HERC3: variants seen among roughly 807,000 people sequenced by gnomAD.
HERC3 encodes probable E3 ubiquitin-protein ligase HERC3.
A neutral mutation model predicts 129.9 loss-of-function variants in HERC3; 58 were observed. The ratio of observed to expected loss-of-function variants is 0.45; its 90% CI spans 0.36 to 0.56. The LOEUF is 0.56. Among genes scored for constraint, HERC3 ranks in the 20% least tolerant of loss-of-function variants. HERC3 has a pLI of 0.00. For missense variants in HERC3, 835 were observed against 1,244.2 expected (o/e 0.67, Z 4.95); for synonymous variants, 430 against 451.0 (o/e 0.95, Z 0.59).
chr4:88,684,900 G>C (rs1386581526), intron 21 of HERC3: 1 of 152,382 alleles, frequency 6.6e-6, no homozygotes, highest in Non-Finnish European at 1.5e-5. Flanking sequence ...CAGGGGCCAT[G>C]CTAATCTTCT....
At chr4:88,683,494 A>G (rs1733040466) in intron 21 of HERC3, among the ~76,000 whole-genome samples, 1 of 152,198 alleles carries the variant, frequency 6.6e-6, no homozygotes, top group African/African-American at 2.4e-5. Flanking sequence ...AGCAACAGAA[A>G]TGTGTGTCCC....
the HERC3 span, among the ~76,000 whole-genome samples, chr4:88,578,683 AGGAGG>A: frequency 5.9e-5 from 9 of 152,124 alleles, no homozygotes; most frequent in African/African-American, 2.2e-4. Context: ...AAAAAGGAGG[AGGAGG>A]TAACACTACA....
intron 16 of HERC3, among the ~76,000 whole-genome samples, chr4:88,670,987 C>G (rs1407777608): frequency 6.6e-6 from 1 of 151,938 alleles, no homozygotes; most frequent in Non-Finnish European, 1.5e-5. Context: ...ACCCCGTAGG[C>G]CCCTTCTGAT....
Position 88,660,396 on chromosome 4 carries a change from G to A in HERC3, c.1146+1905G>A, listed in dbSNP as rs557891614. ...TTTTTTGTATTTTTAGTAGAGACCA[G>A]TTTCACCATGTTGGCCAGGCTGGTT... On this transcript the variant is annotated intron_variant, in intron 10 of 25. Transcript: ENST00000402738. Among the ~76,000 whole-genome samples, 6 of 152,112 alleles carry A rather than the reference G, an allele frequency of 3.9e-5. No individual in the cohort carries two copies. The South Asian group carries it at 1.2e-3, about 32-fold the overall frequency.
At chr4:88,560,570 G>T in the HERC3 span, among the ~76,000 whole-genome samples, 1 of 152,020 alleles carries the variant, frequency 6.6e-6, no homozygotes, top group African/African-American at 2.4e-5. Flanking sequence ...CCTTTGCTGT[G>T]CAGAAACTTT....
chr4:88,688,492 A>G (rs1054396476), intron 23 of HERC3, among the ~76,000 whole-genome samples: 6 of 152,120 alleles, frequency 3.9e-5, no homozygotes, highest in Non-Finnish European at 8.8e-5. Context: ...TGGTTATATA[A>G]CCAAATAGGA....
chr4:88,706,620 T>A, intron 25 of HERC3, 132 bp from the exon 26 acceptor site: 1 of 681,054 alleles, frequency 1.5e-6, no homozygotes, highest in Non-Finnish European at 2.6e-6. Context: ...GGATGCATAT[T>A]GGCACATAAA....
the HERC3 span, among the ~76,000 whole-genome samples, chr4:88,526,444 CATTT>C: frequency 6.6e-6 from 1 of 152,180 alleles, no homozygotes; most frequent in Admixed American, 6.5e-5. Context: ...TTTGAACTAA[CATTT>C]ATCTCTGCTT....
At chr4:88,538,823 G>T in the HERC3 span, among the ~76,000 whole-genome samples, 1 of 152,092 alleles carries the variant, frequency 6.6e-6, no homozygotes, top group Non-Finnish European at 1.5e-5. Flanking sequence ...GATTACAGGC[G>T]TGAGCCACCA....
At chr4:88,693,617 TTAA>T (rs1560773503) in intron 23 of HERC3, 4 of 962,744 alleles carry the variant, frequency 4.2e-6, no homozygotes, top group Non-Finnish European at 4.9e-6. Flanking sequence ...TTTAAAATGG[TTAA>T]TTTTATGTTA....
At chr4:88,614,764 G>A (rs1019061116) in intron 3 of HERC3, among the ~76,000 whole-genome samples, 1 of 152,030 alleles carries the variant, frequency 6.6e-6, no homozygotes, top group Non-Finnish European at 1.5e-5. Flanking sequence ...GACATTTACT[G>A]AGTGACTAAA....
At chr4:88,612,351 T>C (rs970726410) in intron 3 of HERC3, among the ~76,000 whole-genome samples, 1 of 150,504 alleles carries the variant, frequency 6.6e-6, no homozygotes, top group Non-Finnish European at 1.5e-5. Context: ...ATTTCAAAGA[T>C]ACATCAAATT....
intron 3 of HERC3, among the ~76,000 whole-genome samples, chr4:88,631,866 C>T (rs1474636848): frequency 6.6e-6 from 1 of 152,148 alleles, no homozygotes. Flanking sequence ...AAGTACATGC[C>T]TTCCTGTCTT....
intron 7 of HERC3, 102 bp downstream of exon 7, chr4:88,654,235 TG>T: frequency 1.4e-6 from 1 of 728,846 alleles, no homozygotes; most frequent in Non-Finnish European, 2.2e-6. Flanking sequence ...TACAGTATTG[TG>T]GCTTGAACTT....
chr4:88,630,347 T>G (rs969712058), intron 3 of HERC3, among the ~76,000 whole-genome samples: 9 of 152,224 alleles, frequency 5.9e-5, no homozygotes, highest in Admixed American at 5.2e-4. Flanking sequence ...AATTTGTGAC[T>G]TTTTTGGTAG....
chr4:88,617,839 C>G (rs1725084829), intron 3 of HERC3, among the ~76,000 whole-genome samples: 1 of 152,016 alleles, frequency 6.6e-6, no homozygotes, highest in African/African-American at 2.4e-5. Flanking sequence ...CCACTGTACT[C>G]CAGCCTGGGC....
intron 25 of HERC3, among the ~76,000 whole-genome samples, chr4:88,706,532 G>C (rs1033364941): frequency 6.6e-6 from 1 of 151,806 alleles, no homozygotes; most frequent in Admixed American, 6.6e-5. Context: ...TTGATTTTGT[G>C]AAATCTAACA....
chr4:88,558,589 A>T, the HERC3 span, among the ~76,000 whole-genome samples: 9 of 152,266 alleles, frequency 5.9e-5, no homozygotes, highest in South Asian at 1.9e-3. Flanking sequence ...AAATCTCAGA[A>T]ATCACCACTA....
chr4:88,609,065 G>T (rs1578159512), intron 3 of HERC3, among the ~76,000 whole-genome samples: 1 of 148,676 alleles, frequency 6.7e-6, no homozygotes, highest in Non-Finnish European at 1.5e-5. Context: ...AAGGCCAGAG[G>T]ATTGCTTGCC....
Sources: allele counts gnomAD v4.1 joint callset (sites outside exome capture counted in the v4.1 genomes callset), GRCh38; gene constraint gnomAD v4.1.1; transcripts MANE v1.5; gene names NCBI Gene and HGNC (gene_info 2026-07-23, HGNC 2026-07-21).